Variants in SEMA3D observed in about 807,000 individuals in gnomAD.
The protein encoded by SEMA3D is semaphorin-3D.
A neutral mutation model predicts 100.1 loss-of-function variants in SEMA3D; 84 were observed. That is an observed-to-expected ratio of 0.84 (90% CI 0.70 to 1.01). The LOEUF (loss-of-function observed/expected upper bound fraction) is 1.01. Among genes scored for constraint, SEMA3D ranks in the 50% least tolerant of loss-of-function variants. The pLI is 0.00. For synonymous variants in SEMA3D, 312 were observed against 320.7 expected (o/e 0.97, Z 0.29); for missense variants, 875 against 934.1 (o/e 0.94, Z 0.82).
intron 4 of SEMA3D, among the ~76,000 whole-genome samples, chr7:85,085,772 T>C (rs549645508): frequency 6.6e-6 from 1 of 152,344 alleles, no homozygotes; most frequent in South Asian, 2.1e-4. Flanking sequence ...TTGGTTTAGC[T>C]AGATGGTTTC....
the SEMA3D span, among the ~76,000 whole-genome samples, chr7:85,201,761 C>T: frequency 6.6e-6 from 1 of 151,912 alleles, no homozygotes; most frequent in African/African-American, 2.4e-5. Context: ...CTCTCTGTCT[C>T]CCAGGCTGGA....
At position 85,178,836 on chromosome 7, in the gene SEMA3D, G is replaced by A. The variant is rs534529837; in HGVS notation, c.-173+7842C>T. On this transcript the variant is annotated intron_variant, in intron 1 of 18. Transcript: ENST00000284136. ...AGGCCTGGAGGCCTAGAAGAAAAAC[G>A]TTTCATGGGCTGGATCCAGGGCCTC... Among the ~76,000 whole-genome samples, 9 of 152,240 alleles carry A rather than the reference G, an allele frequency of 5.9e-5. No homozygotes were observed. The South Asian group carries it at 1.3e-3, about 21-fold the overall frequency.
At chr7:85,063,447 T>C (rs755382754) in intron 8 of SEMA3D, among the ~76,000 whole-genome samples, 16 of 152,194 alleles carry the variant, frequency 1.1e-4, no homozygotes, top group Admixed American at 5.2e-4. Flanking sequence ...TCCTCTACCA[T>C]TTGTCTTTTC....
chr7:85,154,635 A>G (rs1790530811), intron 1 of SEMA3D, among the ~76,000 whole-genome samples: 1 of 152,178 alleles, frequency 6.6e-6, no homozygotes, highest in Non-Finnish European at 1.5e-5. Context: ...GTGATTTGAA[A>G]TACAGTAGAA....
intron 3 of SEMA3D, among the ~76,000 whole-genome samples, chr7:85,104,778 T>A (rs767327623): frequency 1.2e-4 from 18 of 144,388 alleles, no homozygotes; most frequent in Non-Finnish European, 2.3e-4. Flanking sequence ...CTACATAGAT[T>A]AAAAAAAAAA....
At chr7:85,183,329 T>A (rs778394544) in intron 1 of SEMA3D, among the ~76,000 whole-genome samples, 1 of 152,194 alleles carries the variant, frequency 6.6e-6, no homozygotes, top group South Asian at 2.1e-4. Flanking sequence ...CTGGAGACTA[T>A]GAAACTTCTT....
chr7:85,091,952 A>G (rs1788406469), intron 4 of SEMA3D, among the ~76,000 whole-genome samples: 1 of 152,070 alleles, frequency 6.6e-6, no homozygotes, highest in African/African-American at 2.4e-5. Flanking sequence ...TGAGAAATCT[A>G]CATACAATCA....
Position 85,046,174 on chromosome 7 carries a change from G to C in SEMA3D, c.862-3889C>G, listed in dbSNP as rs183839248. On this transcript the variant is annotated intron_variant, in intron 9 of 18. Transcript: ENST00000284136. ...CTGCTTAACGACATTCCTTTAATAG[G>C]CATATACAGTATTCATAAAAATGAG... is the stretch of plus-strand genomic sequence containing the variant. 3.3e-5 allele frequency among the ~76,000 whole-genome samples: 5 copies of C among 151,698 alleles called. No homozygotes were observed. The East Asian group carries it at 9.7e-4, about 30-fold the overall frequency.
chr7:85,202,682 G>A, the SEMA3D span, among the ~76,000 whole-genome samples: 1 of 152,048 alleles, frequency 6.6e-6, no homozygotes, highest in Admixed American at 6.6e-5. Context: ...GTGGGCGAAA[G>A]ACATGAACAG....
At chr7:85,208,841 GA>G in the SEMA3D span, among the ~76,000 whole-genome samples, 2 of 152,010 alleles carry the variant, frequency 1.3e-5, no homozygotes. Context: ...ATATAGAAAA[GA>G]AAATACACGC....
In SEMA3D at chr7:85,164,266, C is replaced by G. The variant is rs565236263; in HGVS notation, c.-172-10527G>C. On this transcript the variant is annotated intron_variant, in intron 1 of 18. Transcript: ENST00000284136. ...ACATAATATCACTGTATAATGATAC[C>G]ACCTATCACGGATTTAAACTAGTTA... 2.6e-5 allele frequency among the ~76,000 whole-genome samples: 4 copies of G among 152,084 alleles called. No homozygotes were observed. In the East Asian group the frequency reaches 7.7e-4, roughly 29 times the overall value.
At chr7:85,130,088 T>G (rs73181444) in intron 2 of SEMA3D, among the ~76,000 whole-genome samples, 408 of 152,216 alleles carry the variant, frequency 2.7e-3, no homozygotes, top group Non-Finnish European at 2.5e-3. Flanking sequence ...GATAAAAAAT[T>G]TAAATAATTT....
chr7:85,047,779 A>C (rs1027394683), intron 9 of SEMA3D, among the ~76,000 whole-genome samples: 1 of 151,932 alleles, frequency 6.6e-6, no homozygotes, highest in African/African-American at 2.4e-5. Context: ...GACAAAGTTT[A>C]AGAACTTTAA....
the SEMA3D span, among the ~76,000 whole-genome samples, chr7:85,245,418 G>A: frequency 6.6e-6 from 1 of 152,148 alleles, no homozygotes; most frequent in African/African-American, 2.4e-5. Flanking sequence ...CTATATGCCT[G>A]TTTTTAAGAA....
chr7:85,083,216 G>A (rs888977941), intron 4 of SEMA3D, among the ~76,000 whole-genome samples: 2 of 152,168 alleles, frequency 1.3e-5, no homozygotes, highest in African/African-American at 4.8e-5. Context: ...GAAACGAGGG[G>A]AAGGATGACT....
At chr7:85,114,993 G>A (rs180768813) in intron 3 of SEMA3D, among the ~76,000 whole-genome samples, 59 of 152,042 alleles carry the variant, frequency 3.9e-4, no homozygotes, top group Non-Finnish European at 7.2e-4. Context: ...TTTAGCAAAG[G>A]GCATAAAATC....
chr7:85,041,059 T>G, intron 10 of SEMA3D: 1 of 177,944 alleles, frequency 5.6e-6, no homozygotes, highest in Non-Finnish European at 1.1e-5. Context: ...GTAATTAATT[T>G]GCCTTTTTTT....
chr7:85,182,859 C>A (rs1451526659), intron 1 of SEMA3D, among the ~76,000 whole-genome samples: 1 of 152,086 alleles, frequency 6.6e-6, no homozygotes, highest in African/African-American at 2.4e-5. Context: ...CTGTACCACT[C>A]CAGATGTTTA....
intron 9 of SEMA3D, among the ~76,000 whole-genome samples, chr7:85,051,193 G>A (rs1349627305): frequency 1.3e-5 from 2 of 151,804 alleles, no homozygotes; most frequent in Non-Finnish European, 2.9e-5. Flanking sequence ...ATAGGTGCCT[G>A]CTGTCCTCAT....
Sources: allele counts gnomAD v4.1 joint callset (sites outside exome capture counted in the v4.1 genomes callset), GRCh38; gene constraint gnomAD v4.1.1; transcripts MANE v1.5; gene names NCBI Gene and HGNC (gene_info 2026-07-23, HGNC 2026-07-21).